The following AAK1 variants were observed in gnomAD, a reference collection of about 807,000 sequenced individuals.
AAK1 encodes AP2 associated kinase 1.
A neutral mutation model predicts 116.0 loss-of-function variants in AAK1; 37 were observed. That is an observed-to-expected ratio of 0.32 (90% CI 0.25 to 0.42). The LOEUF is 0.42. AAK1 is among the 10% of genes least tolerant of loss of function. The pLI, the probability that AAK1 is intolerant of heterozygous loss-of-function variation, is 1.00. For missense variants in AAK1, 919 were observed against 1,170.6 expected, an observed-to-expected ratio of 0.79 and a Z score of 3.14; for synonymous variants, 458 against 439.9, an observed-to-expected ratio of 1.04 and a Z score of -0.51.
chr2:69,587,785 AT>A lies in AAK1; in HGVS notation c.164-30808del, dbSNP rs1672854279. Among the ~76,000 whole-genome samples, 4 of 151,796 alleles carry A rather than the reference AT, an allele frequency of 2.6e-5. No individual in the cohort carries two copies. The South Asian group carries it at 6.3e-4, about 24-fold the overall frequency. On this transcript the variant is annotated intron_variant, in intron 2 of 21. Transcript: ENST00000409085. ...CCAGTTGCCCAGCTAATATTTTTAA[AT>A]TTTTTTGTAGAGACAGAGTTTTACT... is the stretch of plus-strand genomic sequence containing the variant.
rs557827070 is a variant in AAK1 at position 69,509,081 on chromosome 2, A to T, written c.2006+150T>A. ...GCAAGATGAAATGAGCCAGAAAAAT[A>T]AACAAACCAGAAAAATAAACAAACA... On this transcript the variant is annotated intron_variant, in intron 14 of 21. Transcript: ENST00000409085. The T allele has an allele frequency of 5.8e-5, 40 of 686,370 alleles. 1 individual carries two copies. The South Asian group carries it at 7.8e-4, about 13-fold the overall frequency. The allele number at this position is 686,370 out of a possible 1,614,324, so 42.5% of individuals were successfully genotyped here.
intron 3 of AAK1, among the ~76,000 whole-genome samples, chr2:69,556,383 AG>A (rs1671386121): frequency 1.3e-5 from 2 of 152,196 alleles, no homozygotes; most frequent in African/African-American, 2.4e-5. Flanking sequence ...AGGCCAAAAA[AG>A]GGGGAAAGCA....
rs1235428445 is a variant in AAK1, at chr2:69,469,869, T to C, written c.*6000A>G. The C allele has an allele frequency of 1.0e-6, 1 of 985,350 alleles. No homozygotes were observed. Among genetic ancestry groups the C allele is most frequent in the Admixed American group, 6.1e-5 (1 of 16,276 alleles). The allele number at this position is 985,350 out of a possible 1,614,324, so 61.0% of individuals were successfully genotyped here. A position where few individuals can be genotyped will look rare whatever the true frequency, so the allele number is the denominator to read the frequency against. Reference sequence around the variant, plus strand: ...TTCAATATGGGTAACTCCATATTAGTCTATTTTGAGGCTCCAAATTATGTA... The same window carrying C: ...TTCAATATGGGTAACTCCATATTAGCCTATTTTGAGGCTCCAAATTATGTA... On this transcript the variant is annotated 3_prime_UTR_variant, in exon 22 of 22. Transcript: ENST00000409085.
At chr2:69,531,873 C>T in intron 6 of AAK1, 168 bp downstream of exon 6, 1 of 1,313,166 alleles carries the variant, frequency 7.6e-7, no homozygotes, top group Non-Finnish European at 1.0e-6. Context: ...ACCCCCTCCT[C>T]ATTCTTCACT....
rs1558885261 is a variant in AAK1 at position 69,468,826 on chromosome 2, T to C, written c.*7043A>G. The C allele has an allele frequency of 5.1e-6, 5 of 985,300 alleles. No homozygotes were observed. The Admixed American group carries it at 3.1e-4, about 61-fold the overall frequency. The allele number at this position is 985,300 out of a possible 1,614,324, so 61.0% of individuals were successfully genotyped here. On this transcript the variant is annotated 3_prime_UTR_variant, in exon 22 of 22. Coordinates refer to ENST00000409085, the MANE Select transcript of AAK1 (RefSeq NM_014911.5). The stretch of plus-strand genomic sequence containing the variant: ...GGGTTGGAGAGGATGGAAGAACATG[T>C]CTAACCCATCAAAATTATTTGTTAA...
intron 2 of AAK1, among the ~76,000 whole-genome samples, chr2:69,632,706 G>C (rs926544141): frequency 1.3e-5 from 2 of 152,156 alleles, no homozygotes; most frequent in African/African-American, 4.8e-5. Flanking sequence ...AGACCATCCT[G>C]GCTAACATGG....
chr2:69,492,022 G>A (rs1553409495), intron 17 of AAK1, among the ~76,000 whole-genome samples: 1 of 152,066 alleles, frequency 6.6e-6, no homozygotes, highest in Non-Finnish European at 1.5e-5. Context: ...GTGTGGCTGA[G>A]CACAGTCCAA....
chr2:69,508,458 T>A (rs1439176940), intron 14 of AAK1, among the ~76,000 whole-genome samples: 1 of 152,198 alleles, frequency 6.6e-6, no homozygotes, highest in Non-Finnish European at 1.5e-5. Context: ...TCTAAGACAG[T>A]TAAGGGTCTG....
At chr2:69,586,441 G>A (rs1672767329) in intron 2 of AAK1, among the ~76,000 whole-genome samples, 1 of 152,116 alleles carries the variant, frequency 6.6e-6, no homozygotes, top group African/African-American at 2.4e-5. Flanking sequence ...AAGAGGGCCT[G>A]GCAATGACAA....
intron 12 of AAK1, among the ~76,000 whole-genome samples, chr2:69,515,457 C>T (rs114099440): frequency 3.3e-5 from 5 of 152,100 alleles, no homozygotes; most frequent in Admixed American, 2.0e-4. Flanking sequence ...TCCTAAGTAC[C>T]TGGTATCACA....
Position 69,471,453 on chromosome 2 carries a change from G to A in AAK1, c.*4416C>T, listed in dbSNP as rs1674678684. The A allele has an allele frequency of 1.1e-5, 11 of 985,436 alleles. No individual in the cohort carries two copies. Among genetic ancestry groups the A allele is most frequent in the Non-Finnish European group, 1.3e-5 (11 of 829,928 alleles). The allele number at this position is 985,436 out of a possible 1,614,324, so 61.0% of individuals were successfully genotyped here. On this transcript the variant is annotated 3_prime_UTR_variant, in exon 22 of 22. Coordinates refer to ENST00000409085, the MANE Select transcript of AAK1 (RefSeq NM_014911.5). The stretch of plus-strand genomic sequence containing the variant: ...TTGATAAAATTATAGCCTTTAGAGA[G>A]GAATAAAGATAGCTTTGCAGTATCT...
Position 69,527,220 on chromosome 2 carries a change from A to C in AAK1, c.971T>G (p.Val324Gly). 6.3e-7 allele frequency: 1 copy of C among 1,595,388 alleles called. No homozygotes were observed. Among genetic ancestry groups the C allele is most frequent in the Non-Finnish European group, 8.6e-7 (1 of 1,166,738 alleles). ...LLKKECPIPN[V>G]QNSPIPAKLP... is the part of the protein sequence containing the mutation. ...TAAATAGCACCATTCACGTACCTGT[A>C]CATTTGGAATTGGGCACTCTTTCTT... Residue 324 changes from valine (V) to glycine (G), a missense_variant, in exon 9 of 22, where the codon GTA becomes GGA. Physicochemically the swap from Val to Gly is moderately radical, Grantham distance 109. This residue lies in a region of AAK1 where 317 missense variants were observed against 490.4 expected (regional missense o/e 0.65). Transcript: ENST00000409085.
intron 2 of AAK1, among the ~76,000 whole-genome samples, chr2:69,570,169 T>C (rs894047258): frequency 3.3e-5 from 5 of 152,026 alleles, no homozygotes; most frequent in Admixed American, 2.0e-4. Context: ...CTCTCAATAC[T>C]CCCTCTTCCT....
Position 69,466,691 on chromosome 2 carries a change from A to G in AAK1, c.*9178T>C. 1 of 1,111,998 alleles carries G rather than the reference A, an allele frequency of 9.0e-7. No individual in the cohort carries two copies. The highest frequency in any genetic ancestry group is 1.1e-6 in the Non-Finnish European group (1 of 902,880). 68.9% of individuals were successfully genotyped at this position (1,111,998 alleles called of 1,614,324 possible). On this transcript the variant is annotated 3_prime_UTR_variant, in exon 22 of 22. Coordinates refer to ENST00000409085, the MANE Select transcript of AAK1 (RefSeq NM_014911.5). Reference sequence around the variant, plus strand: ...TGCAACAGGAAAAACATAAAAATAAAAGTCAGGCAAGGAAACTGCACACAA... The same window carrying G: ...TGCAACAGGAAAAACATAAAAATAAGAGTCAGGCAAGGAAACTGCACACAA...
intron 16 of AAK1, among the ~76,000 whole-genome samples, chr2:69,498,410 C>G (rs527481420): frequency 2.6e-5 from 4 of 152,136 alleles, no homozygotes; most frequent in African/African-American, 9.6e-5. Flanking sequence ...GGAGGATGCT[C>G]TGGGGTCTAC....
rs1182600057 is a variant in AAK1, at chr2:69,465,556, A to G, written c.*10313T>C. The G allele has an allele frequency of 7.0e-6, 9 of 1,290,846 alleles. No individual in the cohort carries two copies. Among genetic ancestry groups the G allele is most frequent in the Non-Finnish European group, 9.1e-6 (9 of 988,892 alleles). The allele number at this position is 1,290,846 out of a possible 1,614,324, so 80.0% of individuals were successfully genotyped here. On this transcript the variant is annotated 3_prime_UTR_variant, in exon 22 of 22. Coordinates refer to ENST00000409085, the MANE Select transcript of AAK1 (RefSeq NM_014911.5). ...GCTATCGACTGCTTGTTGGTTTGTGAAACAATTTTGTAGGCAGCAATGGGC... is the reference window on the plus strand; with the variant it reads ...GCTATCGACTGCTTGTTGGTTTGTGGAACAATTTTGTAGGCAGCAATGGGC...
chr2:69,555,043 A>G (rs528989886), intron 3 of AAK1, among the ~76,000 whole-genome samples: 2 of 152,338 alleles, frequency 1.3e-5, no homozygotes, highest in African/African-American at 4.8e-5. Context: ...TGCTTTTGTA[A>G]CACAAGTAAA....
In AAK1 at chr2:69,553,700, C is replaced by A. The variant is rs185240711; in HGVS notation, c.282+3160G>T. On this transcript the variant is annotated intron_variant, in intron 3 of 21. Coordinates refer to ENST00000409085, the MANE Select transcript of AAK1 (RefSeq NM_014911.5). ...CTCGTGATCTGCCCACCTTGGCCGC[C>A]CAAAGTGCTGGGATTACGGGCATGA... 2.3e-4 allele frequency among the ~76,000 whole-genome samples: 35 copies of A among 151,748 alleles called. No homozygotes were observed. The East Asian group carries it at 6.3e-3, about 27-fold the overall frequency.
In AAK1 at chr2:69,507,405, G is replaced by C. The variant is rs780473814; in HGVS notation, c.2164+16C>G. On this transcript the variant is annotated intron_variant, in intron 15 of 21. Transcript: ENST00000409085. ...TCTATAATCAAGAAGCACAAAAAAA[G>C]ACACAGCTTACTCACCTTCCCCAAG... 2 of 1,608,636 alleles carry C rather than the reference G, an allele frequency of 1.2e-6. No homozygotes were observed. Among genetic ancestry groups the C allele is most frequent in the South Asian group, 2.2e-5 (2 of 89,818 alleles).
Sources: gnomAD v4.1 joint callset for allele counts (sites outside exome capture counted in the v4.1 genomes callset) on GRCh38, gnomAD v4.1.1 for gene constraint, gnomAD v4.1.1 regional missense constraint, MANE v1.5 for transcripts, NCBI Gene and HGNC (gene_info 2026-07-23, HGNC 2026-07-21) for gene names.